The following RANBP2 variants were observed in gnomAD, a reference collection of about 807,000 sequenced individuals.
RANBP2 encodes RAN binding protein 2.
In RANBP2, 57 loss-of-function variants were observed where a neutral mutation model predicts 303.6. That is an observed-to-expected ratio of 0.19 (90% CI 0.15 to 0.23). RANBP2 has a LOEUF of 0.23. Among genes scored for constraint, RANBP2 ranks in the 10% least tolerant of loss-of-function variants. The pLI, the probability that RANBP2 is intolerant of heterozygous loss-of-function variation, is 1.00. For missense variants in RANBP2, 3,138 were observed against 3,780.8 expected (o/e 0.83, Z 4.46); for synonymous variants, 1,167 against 1,301.5 (o/e 0.90, Z 2.23).
At chr2:109,229,925 C>T in the RANBP2 span, among the ~76,000 whole-genome samples, 5 of 151,266 alleles carry the variant, frequency 3.3e-5, no homozygotes, top group African/African-American at 4.8e-5. Flanking sequence ...CCTGGGTTCA[C>T]GCCATTCTCC....
chr2:109,072,555 C>A, the RANBP2 span, among the ~76,000 whole-genome samples: 3 of 152,178 alleles, frequency 2.0e-5, no homozygotes, highest in African/African-American at 7.2e-5. Flanking sequence ...GAGGGTCTGG[C>A]CTCTAAACCA....
chr2:109,184,589 C>T, the RANBP2 span, among the ~76,000 whole-genome samples: 1 of 152,152 alleles, frequency 6.6e-6, no homozygotes, highest in East Asian at 1.9e-4. Flanking sequence ...TGGCTTCCCC[C>T]ATCCAGTGCT....
At chr2:109,243,415 A>G in the RANBP2 span, among the ~76,000 whole-genome samples, 1 of 152,214 alleles carries the variant, frequency 6.6e-6, no homozygotes, top group South Asian at 2.1e-4. Context: ...TTCTTCTTGC[A>G]TCAAGTGTGT....
At chr2:108,977,665 C>T in the RANBP2 span, among the ~76,000 whole-genome samples, 1 of 152,008 alleles carries the variant, frequency 6.6e-6, no homozygotes, top group Non-Finnish European at 1.5e-5. Flanking sequence ...TCCTGGGACC[C>T]GGCTCTCACT....
At chr2:109,487,771 G>T in the RANBP2 span, among the ~76,000 whole-genome samples, 2 of 152,134 alleles carry the variant, frequency 1.3e-5, no homozygotes, top group Non-Finnish European at 2.9e-5. Flanking sequence ...TCTCTACTCA[G>T]GGGCCAGAAG....
intron 22 of RANBP2, 140 bp from the exon 23 acceptor site, chr2:108,772,728 T>C: frequency 8.2e-7 from 1 of 1,218,938 alleles, no homozygotes; most frequent in Non-Finnish European, 1.2e-6. Flanking sequence ...GAAAATATTC[T>C]TTTCTGGGTG....
At chr2:108,795,981 G>A in the RANBP2 span, among the ~76,000 whole-genome samples, 8 of 152,188 alleles carry the variant, frequency 5.3e-5, no homozygotes, top group Non-Finnish European at 1.0e-4. Flanking sequence ...AGCAAACAAA[G>A]ATGTTTAATA....
chr2:109,570,583 G>A, the RANBP2 span, among the ~76,000 whole-genome samples: 1 of 150,842 alleles, frequency 6.6e-6, no homozygotes, highest in Non-Finnish European at 1.5e-5. Flanking sequence ...GGAGTGCAGT[G>A]GCGTGATGTT....
chr2:108,908,446 G>A, the RANBP2 span, among the ~76,000 whole-genome samples: 3 of 152,302 alleles, frequency 2.0e-5, no homozygotes, highest in South Asian at 2.1e-4. Context: ...TGCAGCTGGC[G>A]CTGAATCCAT....
chr2:109,436,915 C>T, the RANBP2 span: 2 of 1,613,506 alleles, frequency 1.2e-6, no homozygotes, highest in East Asian at 2.2e-5. Flanking sequence ...AGGGGCAGGG[C>T]CGCCCCGGAA....
the RANBP2 span, among the ~76,000 whole-genome samples, chr2:109,458,446 C>T: frequency 2.0e-5 from 3 of 152,130 alleles, no homozygotes; most frequent in Non-Finnish European, 2.9e-5. Flanking sequence ...TACAACTCCC[C>T]TAGACTTCAG....
chr2:109,418,449 C>T, the RANBP2 span, among the ~76,000 whole-genome samples: 7 of 152,180 alleles, frequency 4.6e-5, no homozygotes, highest in African/African-American at 9.6e-5. Flanking sequence ...GAGTCTGTTC[C>T]GGGGCTCCCT....
the RANBP2 span, among the ~76,000 whole-genome samples, chr2:109,353,396 C>T: frequency 6.6e-6 from 1 of 152,218 alleles, no homozygotes; most frequent in African/African-American, 2.4e-5. Flanking sequence ...TGGGAGGGAG[C>T]ACCCCACACT....
chr2:109,670,471 A>G, the RANBP2 span, among the ~76,000 whole-genome samples: 1 of 149,566 alleles, frequency 6.7e-6, no homozygotes, highest in African/African-American at 2.5e-5. Flanking sequence ...CCCGAGGCAG[A>G]TGTTGGGCTG....
chr2:108,744,012 G>A (rs529417881), intron 7 of RANBP2, among the ~76,000 whole-genome samples: 6 of 152,332 alleles, frequency 3.9e-5, no homozygotes, highest in African/African-American at 1.2e-4. Flanking sequence ...TTTATGGCAA[G>A]ATTTTCAGAC....
the RANBP2 span, among the ~76,000 whole-genome samples, chr2:108,832,930 G>A: frequency 6.6e-6 from 1 of 152,174 alleles, no homozygotes; most frequent in African/African-American, 2.4e-5. Flanking sequence ...AGATAAGAGG[G>A]AGACAGGAAA....
In RANBP2 at chr2:108,765,076, A is replaced by G; in HGVS notation, c.4537A>G (p.Thr1513Ala). 11 of 1,613,916 alleles carry G rather than the reference A, an allele frequency of 6.8e-6. No homozygotes were observed. The highest frequency in any genetic ancestry group is 9.3e-6 in the Non-Finnish European group (11 of 1,179,944). Residue 1513 changes from threonine to alanine, a missense_variant, in exon 20 of 29, where the codon ACT (threonine) becomes GCT (alanine). By Grantham distance (58) the Thr-to-Ala change is moderately conservative (BLOSUM62 0). This residue lies in a region of RANBP2 where 388 missense variants were observed against 328.5 expected (regional missense o/e 1.18). Transcript: ENST00000283195. ...QNPRKQSLPA[T>A]SIPTPASFKF... ...TCCGAGAAAACAGAGTCTACCTGCTACTTCTATTCCAACACCTGCCTCTTT... is the reference window on the plus strand; with the variant it reads ...TCCGAGAAAACAGAGTCTACCTGCTGCTTCTATTCCAACACCTGCCTCTTT...
the RANBP2 span, chr2:108,896,661 G>A: frequency 3.7e-6 from 2 of 536,174 alleles, no homozygotes; most frequent in Non-Finnish European, 6.7e-6. Flanking sequence ...CTGTATGAGT[G>A]AGTAGATATT....
chr2:109,691,851 C>T, the RANBP2 span, among the ~76,000 whole-genome samples: 25 of 149,660 alleles, frequency 1.7e-4, no homozygotes, highest in Middle Eastern at 6.8e-3. Flanking sequence ...GGCACGATCT[C>T]GGCTCATTGC....
Sources: gnomAD v4.1 joint callset for allele counts (sites outside exome capture counted in the v4.1 genomes callset) on GRCh38, gnomAD v4.1.1 for gene constraint, gnomAD v4.1.1 regional missense constraint, MANE v1.5 for transcripts, NCBI Gene and HGNC (gene_info 2026-07-23, HGNC 2026-07-21) for gene names.